Variants in CA10 observed in about 807,000 individuals in gnomAD.
The protein encoded by CA10 is carbonic anhydrase 10 (inactive), also known as carbonic anhydrase-related protein 10.
A neutral mutation model predicts 44.2 loss-of-function variants in CA10; 14 were observed. The ratio of observed to expected loss-of-function variants is 0.32; its 90% CI spans 0.21 to 0.50. The LOEUF (loss-of-function observed/expected upper bound fraction) is 0.50. Ranked by LOEUF, CA10 falls within the 20% of genes least tolerant of loss-of-function variation. CA10 has a pLI of 0.99. For missense variants in CA10, 350 were observed against 409.7 expected (o/e 0.85, Z 1.26); for synonymous variants, 159 against 141.6 (o/e 1.12, Z -0.87).
At chr17:52,073,227 T>C (rs550448803) in intron 1 of CA10, among the ~76,000 whole-genome samples, 138 of 152,214 alleles carry the variant, frequency 9.1e-4, no homozygotes, top group Non-Finnish European at 1.7e-3. Flanking sequence ...TTTTCTTCTT[T>C]AAATCTGGTG....
intron 6 of CA10, among the ~76,000 whole-genome samples, chr17:51,636,775 TTGTGTGTGTGTGTGTGTGTG>T (rs57428535): frequency 2.7e-5 from 4 of 146,512 alleles, no homozygotes; most frequent in Non-Finnish European, 4.5e-5. Context: ...ACTGATTATT[TTGTGTGTGTGTGTGTGTGTG>T]TGTGTGTGTG....
intron 1 of CA10, among the ~76,000 whole-genome samples, chr17:52,103,325 T>A (rs1988584517): frequency 6.6e-6 from 1 of 152,214 alleles, no homozygotes; most frequent in African/African-American, 2.4e-5. Context: ...TGCTCCAGGA[T>A]CAACTCCCTG....
At chr17:52,100,129 G>A (rs184621760) in intron 1 of CA10, among the ~76,000 whole-genome samples, 52 of 152,298 alleles carry the variant, frequency 3.4e-4, no homozygotes, top group Non-Finnish European at 4.7e-4. Flanking sequence ...AGAACCAAGA[G>A]CGTATTTGTA....
intron 3 of CA10, among the ~76,000 whole-genome samples, chr17:51,889,367 C>G (rs1980754975): frequency 6.6e-6 from 1 of 151,842 alleles, no homozygotes; most frequent in South Asian, 2.1e-4. Flanking sequence ...ACGAAAAATA[C>G]AAAAAAATTA....
At chr17:51,674,989 C>T (rs529613622) in intron 4 of CA10, among the ~76,000 whole-genome samples, 6 of 152,312 alleles carry the variant, frequency 3.9e-5, no homozygotes, top group East Asian at 1.9e-4. Context: ...GTCATTAACA[C>T]GAAATTAACA....
intron 2 of CA10, among the ~76,000 whole-genome samples, chr17:52,070,703 T>A (rs1598199050): frequency 6.6e-6 from 1 of 152,210 alleles, no homozygotes; most frequent in East Asian, 1.9e-4. Flanking sequence ...ACAATAAAAA[T>A]TATTTCCTGT....
At chr17:52,134,967 T>C (rs1297365650) in intron 1 of CA10, 2 of 519,056 alleles carry the variant, frequency 3.9e-6, no homozygotes, top group East Asian at 1.1e-4. Context: ...TTGCTCTCCA[T>C]GTGTGCCATC....
chr17:51,884,008 T>G lies in CA10; in HGVS notation c.279+46982A>C, dbSNP rs200580169. ...ATAAAGGATAACTTCAATCCCTTCA[T>G]GCTCAAGAGAAACCCTTGTAGTCAT... is the stretch of plus-strand genomic sequence containing the variant. On this transcript the variant is annotated intron_variant, in intron 3 of 8. Coordinates refer to ENST00000451037, the MANE Select transcript of CA10 (RefSeq NM_020178.5). Among the ~76,000 whole-genome samples the G allele has an allele frequency of 2.6e-5, 4 of 152,362 alleles. No homozygotes were observed. The East Asian group carries it at 7.7e-4, about 29-fold the overall frequency.
At chr17:52,120,142 T>C (rs1988981481) in intron 1 of CA10, among the ~76,000 whole-genome samples, 1 of 152,246 alleles carries the variant, frequency 6.6e-6, no homozygotes, top group Admixed American at 6.5e-5. Flanking sequence ...CAGTTATCTG[T>C]GTGTGCCAGC....
chr17:51,735,276 G>A (rs1316236133), intron 4 of CA10, among the ~76,000 whole-genome samples: 1 of 152,180 alleles, frequency 6.6e-6, no homozygotes, highest in Non-Finnish European at 1.5e-5. Flanking sequence ...ATTATCCTAA[G>A]TGAATTAATG....
chr17:52,072,992 C>T (rs1987725901), intron 1 of CA10, among the ~76,000 whole-genome samples: 1 of 152,160 alleles, frequency 6.6e-6, no homozygotes, highest in African/African-American at 2.4e-5. Flanking sequence ...CTCATGCTGA[C>T]ATGACCTCAG....
chr17:52,109,362 C>A (rs1988741480), intron 1 of CA10, among the ~76,000 whole-genome samples: 2 of 152,164 alleles, frequency 1.3e-5, no homozygotes, highest in African/African-American at 2.4e-5. Context: ...ACAAAATAAA[C>A]CACATATTTC....
intron 4 of CA10, among the ~76,000 whole-genome samples, chr17:51,740,123 C>G (rs1904398645): frequency 6.6e-6 from 1 of 152,164 alleles, no homozygotes; most frequent in Non-Finnish European, 1.5e-5. Flanking sequence ...TGGGTATAAT[C>G]TAGGTACTTT....
intron 4 of CA10, among the ~76,000 whole-genome samples, chr17:51,669,272 C>G (rs1051624733): frequency 3.9e-5 from 6 of 152,168 alleles, no homozygotes; most frequent in Non-Finnish European, 5.9e-5. Context: ...AATCAGCACT[C>G]TGTGTCTAGC....
chr17:51,993,962 T>A (rs73987348), intron 2 of CA10, among the ~76,000 whole-genome samples: 2,713 of 152,162 alleles, frequency 0.018, 86 homozygotes, highest in African/African-American at 0.062. Flanking sequence ...TTAGAGTAGT[T>A]CACATCTTAA....
At chr17:51,890,835 G>A (rs544175567) in intron 3 of CA10, among the ~76,000 whole-genome samples, 1 of 152,196 alleles carries the variant, frequency 6.6e-6, no homozygotes, top group Non-Finnish European at 1.5e-5. Flanking sequence ...CTAGTTGACA[G>A]TTATGCCAGG....
chr17:51,855,008 A>G (rs1368622055), intron 3 of CA10, among the ~76,000 whole-genome samples: 1 of 152,066 alleles, frequency 6.6e-6, no homozygotes, highest in Admixed American at 6.5e-5. Context: ...TGCCCCTCTT[A>G]CCATCCATTT....
intron 1 of CA10, among the ~76,000 whole-genome samples, chr17:52,087,344 G>T (rs1341248691): frequency 6.6e-6 from 1 of 152,182 alleles, no homozygotes; most frequent in Non-Finnish European, 1.5e-5. Context: ...GTTTTGCCAT[G>T]TTGGCCAGAC....
chr17:51,820,839 A>G (rs1218351654), intron 3 of CA10, among the ~76,000 whole-genome samples: 1 of 152,074 alleles, frequency 6.6e-6, no homozygotes, highest in Non-Finnish European at 1.5e-5. Flanking sequence ...TACATCAGTT[A>G]TTATTCTTAC....
Sources: gnomAD v4.1 joint callset for allele counts (sites outside exome capture counted in the v4.1 genomes callset) on GRCh38, gnomAD v4.1.1 for gene constraint, MANE v1.5 for transcripts, NCBI Gene and HGNC (gene_info 2026-07-23, HGNC 2026-07-21) for gene names.